TRIM23: variants seen among roughly 807,000 people sequenced by gnomAD.
The protein encoded by TRIM23 is tripartite motif containing 23, also known as E3 ubiquitin-protein ligase TRIM23.
Under a neutral mutation model 71.0 loss-of-function variants are expected in TRIM23, and 27 were observed. The observed-to-expected ratio is 0.38, with a 90% CI of 0.28 to 0.52. TRIM23 has a LOEUF of 0.52. Among genes scored for constraint, TRIM23 ranks in the 20% least tolerant of loss-of-function variants. The probability of loss-of-function intolerance (pLI) is 0.84; values close to 1 mark genes in which losing one functional copy is unlikely to be tolerated. For missense variants in TRIM23, 482 were observed against 692.3 expected (o/e 0.70, Z 3.41); for synonymous variants, 234 against 238.0 (o/e 0.98, Z 0.16).
chr5:65,594,359 C>T (rs1286676886), intron 10 of TRIM23, among the ~76,000 whole-genome samples, 162 bp downstream of exon 10: 2 of 152,124 alleles, frequency 1.3e-5, no homozygotes, highest in East Asian at 3.8e-4. Context: ...ATTTTGTATA[C>T]TCCCAGGTAC....
intron 7 of TRIM23, among the ~76,000 whole-genome samples, chr5:65,604,007 G>C (rs1026524791): frequency 4.0e-5 from 6 of 151,210 alleles, no homozygotes; most frequent in Non-Finnish European, 8.8e-5. Context: ...TTCCCAGGCT[G>C]GTCTTGAAGT....
At chr5:65,609,557 T>TA in intron 5 of TRIM23, 99 bp from the exon 6 acceptor site, 2 of 1,281,140 alleles carry the variant, frequency 1.6e-6, no homozygotes, top group Non-Finnish European at 2.1e-6. Flanking sequence ...GGCAAAACTC[T>TA]GTCTCTACAA....
rs1287729277 is a variant in TRIM23 at position 65,611,017 on chromosome 5, A to G, written c.672T>C (p.Asn224=). The G allele has an allele frequency of 1.7e-5, 27 of 1,613,108 alleles. No individual in the cohort carries two copies. The highest frequency in any genetic ancestry group is 2.2e-5 in the Non-Finnish European group (26 of 1,179,794). Residue 224 remains asparagine, a synonymous_variant, in exon 5 of 11, where the codon AAT becomes AAC. Transcript: ENST00000231524. ...TATCTAAAATTGATGCTCGGATCTG[A>G]TTAGCTTCTGGTTCCAATACTGAAT... ...HKHSVLEPEA[N]QIRASILDMA... is the part of the protein sequence containing the mutation.
rs758185183 is a variant in TRIM23, at chr5:65,610,872, G to A, written c.817C>T (p.His273Tyr). ...AAAAAAATCCATACATGTTCTGTGT[G>A]AGCCATTCCAATTCCATCTTCCACG... is the stretch of plus-strand genomic sequence containing the variant. The part of the protein sequence containing the change: ...QIVEDGIGMA[H>Y]TEHVPGTAEN... The change falls in exon 5 of 11, where the codon CAC becomes TAC. Residue 273 changes from histidine (H) to tyrosine (Y), a missense_variant. By Grantham distance (83) the His-to-Tyr change is moderately conservative. Transcript: ENST00000231524. 2 of 1,606,716 alleles carry A rather than the reference G, an allele frequency of 1.2e-6. No individual in the cohort carries two copies. The highest frequency in any genetic ancestry group is 1.7e-6 in the Non-Finnish European group (2 of 1,177,702).
chr5:65,603,287 A>C (rs953587077), intron 7 of TRIM23, among the ~76,000 whole-genome samples: 8 of 152,204 alleles, frequency 5.3e-5, no homozygotes, highest in African/African-American at 1.9e-4. Context: ...TGAGATAGCA[A>C]ATTTTTTATT....
chr5:65,598,547 C>T (rs574929197), intron 7 of TRIM23, among the ~76,000 whole-genome samples: 16 of 152,244 alleles, frequency 1.1e-4, no homozygotes, highest in Non-Finnish European at 1.8e-4. Flanking sequence ...GTTAGGAGTT[C>T]GAGACCAGCC....
intron 7 of TRIM23, among the ~76,000 whole-genome samples, chr5:65,600,622 T>TAAAAAAAAAAAAAAAA (rs34809421): frequency 9.8e-6 from 1 of 102,330 alleles, no homozygotes; most frequent in Non-Finnish European, 2.0e-5. Context: ...AAAAGCACAG[T>TAAAAAAAAAAAAAAAA]AAAAAAAAAA....
In TRIM23 at chr5:65,592,355, G is replaced by A. The variant is rs193249383; in HGVS notation, c.1546-407C>T. Among the ~76,000 whole-genome samples, 57 of 152,188 alleles carry A rather than the reference G, an allele frequency of 3.7e-4. 1 individual carries two copies. The highest frequency in any genetic ancestry group is 2.3e-3 in the Admixed American group (35 of 15,294). ...TTCTCCTGCTTTGGCCTCCCAAGTA[G>A]CTGGGATTACAGGCATGTGCTACCA... is the stretch of plus-strand genomic sequence containing the variant. On this transcript the variant is annotated intron_variant, in intron 10 of 10. Transcript: ENST00000231524.
chr5:65,610,532 C>T (rs1754622921), intron 5 of TRIM23, among the ~76,000 whole-genome samples: 1 of 152,194 alleles, frequency 6.6e-6, no homozygotes, highest in Admixed American at 6.5e-5. Flanking sequence ...AACTCATTCC[C>T]CGTTCTGCTC....
At chr5:65,593,917 A>G (rs1215753501) in intron 10 of TRIM23, among the ~76,000 whole-genome samples, 4 of 152,204 alleles carry the variant, frequency 2.6e-5, no homozygotes, top group Non-Finnish European at 5.9e-5. Context: ...TGAAACACTG[A>G]TATGATCTTA....
intron 1 of TRIM23, among the ~76,000 whole-genome samples, chr5:65,621,833 TTA>T (rs1754956560): frequency 6.6e-6 from 1 of 150,738 alleles, no homozygotes; most frequent in African/African-American, 2.5e-5. Context: ...ATTATTATTA[TTA>T]TTTTTTTTTT....
In TRIM23 at chr5:65,594,597, G is replaced by A. The variant is rs1754143754; in HGVS notation, c.1469C>T (p.Ala490Val). Residue 490 changes from alanine to valine, a missense_variant, in exon 10 of 11, where the codon GCA becomes GTA. This residue lies in a region of TRIM23 where 307 missense variants were observed against 495.8 expected (regional missense o/e 0.62). Transcript: ENST00000231524. ...DSSHRDRISE[A>V]HSELAKLLTE... The stretch of plus-strand genomic sequence containing the variant: ...TAACAACTTTGCAAGTTCGCTGTGT[G>A]CTTCACTAATTCTGTCTCTATGACT... 1 of 1,611,590 alleles carries A rather than the reference G, an allele frequency of 6.2e-7. No individual in the cohort carries two copies. Among genetic ancestry groups the A allele is most frequent in the African/African-American group, 1.3e-5 (1 of 74,718 alleles).
At chr5:65,623,642 CAG>C (rs1755016020) in intron 1 of TRIM23, among the ~76,000 whole-genome samples, 1 of 152,200 alleles carries the variant, frequency 6.6e-6, no homozygotes, top group Non-Finnish European at 1.5e-5. Flanking sequence ...GTACTACTAA[CAG>C]GGGAGGGGGC....
chr5:65,615,632 A>T (rs1175586369), intron 2 of TRIM23, among the ~76,000 whole-genome samples: 1 of 152,174 alleles, frequency 6.6e-6, no homozygotes, highest in Admixed American at 6.6e-5. Context: ...AATTTTTAAC[A>T]CATATTCTAC....
At chr5:65,593,704 A>G (rs571189002) in intron 10 of TRIM23, among the ~76,000 whole-genome samples, 1 of 152,280 alleles carries the variant, frequency 6.6e-6, no homozygotes, top group South Asian at 2.1e-4. Context: ...CTCAAGGTCT[A>G]GGAATCTTCA....
rs1412377780 is a variant in TRIM23 at position 65,611,063 on chromosome 5, TAG to T, written c.646-22_646-21del. The T allele has an allele frequency of 3.8e-6, 6 of 1,586,616 alleles. No homozygotes were observed. Among genetic ancestry groups the T allele is most frequent in the Non-Finnish European group, 4.3e-6 (5 of 1,170,566 alleles). ...TGAATGCTATAAAATGTACCATAAT[TAG>T]AGAAAAGAACTCATAGTATTGACTA... On this transcript the variant is annotated intron_variant, in intron 4 of 10. Coordinates refer to ENST00000231524, the MANE Select transcript of TRIM23 (RefSeq NM_001656.4).
chr5:65,595,892 A>AGT (rs1754189053), intron 9 of TRIM23, among the ~76,000 whole-genome samples: 1 of 152,218 alleles, frequency 6.6e-6, no homozygotes, highest in South Asian at 2.1e-4. Context: ...AGAAGTGTAG[A>AGT]GTAAGACCCA....
At position 65,624,203 on chromosome 5, in the gene TRIM23, A is replaced by T. The variant is rs1234380574; in HGVS notation, c.72T>A (p.Ala24=). ...ACGCAAGGTCCCTCACCTTCACTAC[A>T]GCTGTCCCCCGGCTGCCCTGCCGGC... The part of the protein sequence containing the change: ...DSGRQGSRGT[A]VVKVLECGVC... The change falls in exon 1 of 11, where the codon GCT becomes GCA. Residue 24 remains alanine, a synonymous_variant. Transcript: ENST00000231524. The T allele has an allele frequency of 6.2e-7, 1 of 1,614,208 alleles. No homozygotes were observed. Among genetic ancestry groups the T allele is most frequent in the Non-Finnish European group, 8.5e-7 (1 of 1,180,044 alleles).
chr5:65,611,088 CTAA>C (rs1298534106), intron 4 of TRIM23, 45 bp from the exon 5 acceptor site: 4 of 1,479,772 alleles, frequency 2.7e-6, no homozygotes, highest in South Asian at 1.3e-5. Context: ...ATAGTATTGA[CTAA>C]TAATATAAAA....
Sources: gnomAD v4.1 joint callset for allele counts (sites outside exome capture counted in the v4.1 genomes callset) on GRCh38, gnomAD v4.1.1 for gene constraint, gnomAD v4.1.1 regional missense constraint, MANE v1.5 for transcripts, NCBI Gene and HGNC (gene_info 2026-07-23, HGNC 2026-07-21) for gene names.